Variants in NRXN3 observed in about 807,000 individuals in gnomAD.
The protein encoded by NRXN3 is neurexin III.
NRXN3 carries 32 observed loss-of-function variants against 137.6 expected under a neutral mutation model. The observed-to-expected ratio is 0.23, with a 90% CI of 0.18 to 0.31. NRXN3 has a LOEUF of 0.31. Among genes scored for constraint, NRXN3 ranks in the 10% least tolerant of loss-of-function variants. The probability of loss-of-function intolerance (pLI) is 1.00; values close to 1 mark genes in which losing one functional copy is unlikely to be tolerated. For missense variants in NRXN3, 1,574 were observed against 2,062.5 expected (o/e 0.76, Z 4.59); for synonymous variants, 798 against 784.5 (o/e 1.02, Z -0.29).
At chr14:79,772,454 G>A (rs1469783840) in intron 19 of NRXN3, among the ~76,000 whole-genome samples, 1 of 152,010 alleles carries the variant, frequency 6.6e-6, no homozygotes, top group African/African-American at 2.4e-5. Flanking sequence ...ACAGAACAGA[G>A]CCCTCAGAAA....
At chr14:79,459,457 A>C (rs1321738817) in intron 15 of NRXN3, among the ~76,000 whole-genome samples, 2 of 152,018 alleles carry the variant, frequency 1.3e-5, no homozygotes, top group African/African-American at 4.8e-5. Flanking sequence ...TACAAAGGGA[A>C]AACCATGGGA....
At chr14:78,274,081 A>G (rs950596772) in intron 2 of NRXN3, among the ~76,000 whole-genome samples, 1 of 152,204 alleles carries the variant, frequency 6.6e-6, no homozygotes, top group African/African-American at 2.4e-5. Flanking sequence ...CTGTCCGTCC[A>G]AATGATCTAG....
chr14:78,921,140 G>A (rs888465245), intron 10 of NRXN3, among the ~76,000 whole-genome samples: 3 of 152,148 alleles, frequency 2.0e-5, no homozygotes, highest in Non-Finnish European at 4.4e-5. Context: ...TCCCCCATGA[G>A]TTATTTCATT....
intron 1 of NRXN3, among the ~76,000 whole-genome samples, chr14:78,178,251 C>G (rs952159866): frequency 1.3e-5 from 2 of 152,212 alleles, no homozygotes; most frequent in African/African-American, 4.8e-5. Context: ...AAACTTGATT[C>G]TAAGAGCTGG....
At chr14:79,738,395 C>A (rs1244181978) in intron 19 of NRXN3, among the ~76,000 whole-genome samples, 2 of 150,466 alleles carry the variant, frequency 1.3e-5, no homozygotes, top group Admixed American at 1.3e-4. Context: ...AGTGAAGCAG[C>A]CACAAGCCAA....
chr14:79,264,123 T>G (rs2078059449), intron 15 of NRXN3, among the ~76,000 whole-genome samples: 1 of 152,226 alleles, frequency 6.6e-6, no homozygotes, highest in African/African-American at 2.4e-5. Context: ...GGTCTTGCTC[T>G]GTTGCCCAGG....
chr14:78,594,450 A>G (rs533701181), intron 4 of NRXN3, among the ~76,000 whole-genome samples: 2 of 152,250 alleles, frequency 1.3e-5, no homozygotes, highest in East Asian at 3.9e-4. Context: ...GAGGGCAAAG[A>G]AGCTTGAAAA....
intron 15 of NRXN3, among the ~76,000 whole-genome samples, chr14:79,133,645 GC>G: frequency 6.6e-6 from 1 of 152,306 alleles, no homozygotes; most frequent in Non-Finnish European, 1.5e-5. Context: ...AACAAATACA[GC>G]CCAGCACGGT....
chr14:79,379,051 T>A (rs938218683), intron 15 of NRXN3, among the ~76,000 whole-genome samples: 1 of 152,166 alleles, frequency 6.6e-6, no homozygotes, highest in African/African-American at 2.4e-5. Context: ...CTTCTCCGCT[T>A]TCTCAATTTT....
rs553824222 is a variant in NRXN3, at chr14:78,648,260, G to T, written c.1059+2839G>T. Among the ~76,000 whole-genome samples, 25 of 152,288 alleles carry T rather than the reference G, an allele frequency of 1.6e-4. No individual in the cohort carries two copies. In the East Asian group the frequency reaches 4.6e-3, roughly 28 times the overall value. On this transcript the variant is annotated intron_variant, in intron 5 of 20. Coordinates refer to ENST00000335750, the MANE Select transcript of NRXN3 (RefSeq NM_001330195.2). ...GGTCCTTGACATTGCCTGAGTCCAAGGTCATGGCCATAACTTTCATTGCTT... is the reference window on the plus strand; with the variant it reads ...GGTCCTTGACATTGCCTGAGTCCAATGTCATGGCCATAACTTTCATTGCTT...
At chr14:78,449,292 A>G (rs763943745) in intron 4 of NRXN3, among the ~76,000 whole-genome samples, 4 of 152,190 alleles carry the variant, frequency 2.6e-5, no homozygotes, top group Non-Finnish European at 5.9e-5. Context: ...GGCTCACCGT[A>G]ACCTCCGCCT....
At chr14:78,197,239 C>T (rs2061314152) in intron 1 of NRXN3, among the ~76,000 whole-genome samples, 1 of 152,226 alleles carries the variant, frequency 6.6e-6, no homozygotes, top group Non-Finnish European at 1.5e-5. Context: ...CATGCATAAT[C>T]AATACAGGAG....
In NRXN3 at chr14:78,428,790, C is replaced by T. The variant is rs1198050812; in HGVS notation, c.757+130930C>T. Among the ~76,000 whole-genome samples the T allele has an allele frequency of 2.6e-5, 4 of 152,118 alleles. No homozygotes were observed. In the East Asian group the frequency reaches 7.7e-4, roughly 29 times the overall value. ...TTCTGTCTTACTGCGGGAGGTCAGC[C>T]TTTGTGTTCTATTCTGCTCTTCACC... On this transcript the variant is annotated intron_variant, in intron 4 of 20. Coordinates refer to ENST00000335750, the MANE Select transcript of NRXN3 (RefSeq NM_001330195.2).
intron 1 of NRXN3, among the ~76,000 whole-genome samples, chr14:78,198,543 G>A (rs922182842): frequency 1.3e-5 from 2 of 152,212 alleles, no homozygotes; most frequent in Admixed American, 6.5e-5. Context: ...TGCATGCTGC[G>A]AAAGCAAAGT....
chr14:79,447,349 G>T (rs1418491046), intron 15 of NRXN3, among the ~76,000 whole-genome samples: 4 of 151,830 alleles, frequency 2.6e-5, no homozygotes, highest in African/African-American at 9.7e-5. Context: ...TAAAGTATTT[G>T]TAAAAAAAAA....
rs187753090 is a variant in NRXN3 at position 79,868,129 on chromosome 14, A to C, written c.*6165A>C. 2.0e-5 allele frequency: 3 copies of C among 152,306 alleles called. No individual in the cohort carries two copies. The East Asian group carries it at 5.8e-4, about 29-fold the overall frequency. 9.4% of individuals were successfully genotyped at this position (152,306 alleles called of 1,614,324 possible). A position where few individuals can be genotyped will look rare whatever the true frequency, so the allele number is the denominator to read the frequency against. On this transcript the variant is annotated 3_prime_UTR_variant, in exon 21 of 21. Transcript: ENST00000335750. ...AATATTGGATGAAATAATTCATGTG[A>C]AATGCTTAACATATGTGTGACAAAT...
At chr14:78,213,635 G>A (rs1456232810) in intron 1 of NRXN3, among the ~76,000 whole-genome samples, 2 of 152,278 alleles carry the variant, frequency 1.3e-5, no homozygotes, top group Middle Eastern at 3.4e-3. Context: ...AAGCAGCTTT[G>A]GGGGAGTGGC....
intron 4 of NRXN3, among the ~76,000 whole-genome samples, chr14:78,455,210 T>C (rs76187059): frequency 6.6e-6 from 1 of 152,144 alleles, no homozygotes; most frequent in African/African-American, 2.4e-5. Flanking sequence ...ACTTGGGAGT[T>C]AGATTCCCCA....
chr14:78,545,482 A>C (rs1332440483), intron 4 of NRXN3, among the ~76,000 whole-genome samples: 1 of 152,162 alleles, frequency 6.6e-6, no homozygotes, highest in East Asian at 1.9e-4. Context: ...TTAATAACCT[A>C]GTATAAATCC....
Sources: allele counts gnomAD v4.1 joint callset (sites outside exome capture counted in the v4.1 genomes callset), GRCh38; gene constraint gnomAD v4.1.1; transcripts MANE v1.5; gene names NCBI Gene and HGNC (gene_info 2026-07-23, HGNC 2026-07-21).